SEMA4B: variants seen among roughly 807,000 people sequenced by gnomAD.
SEMA4B encodes the protein semaphorin-4B.
In SEMA4B, 55 loss-of-function variants were observed where a neutral mutation model predicts 88.1. The observed-to-expected ratio is 0.62, with a 90% CI of 0.50 to 0.78. The LOEUF (loss-of-function observed/expected upper bound fraction) is 0.78. Ranked by LOEUF, SEMA4B falls within the 30% of genes least tolerant of loss-of-function variation. The probability of loss-of-function intolerance (pLI) is 0.00; values close to 1 mark genes in which losing one functional copy is unlikely to be tolerated. For synonymous variants in SEMA4B, 525 were observed against 473.6 expected, an observed-to-expected ratio of 1.11 and a Z score of -1.41; for missense variants, 1,062 against 1,111.9, an observed-to-expected ratio of 0.96 and a Z score of 0.64.
chr15:90,213,595 C>G (rs1054794923), intron 1 of SEMA4B, among the ~76,000 whole-genome samples: 9 of 152,220 alleles, frequency 5.9e-5, no homozygotes, highest in Non-Finnish European at 7.3e-5. Context: ...TTCTCCCAGG[C>G]GTAAGTGGGA....
rs531975112 is a variant in SEMA4B, at chr15:90,222,975, T to C, written c.862-584T>C. Reference sequence around the variant, plus strand: ...CTGTGTATATATATATATACATTTTTTTTTTTCCTTTTTGAGACAGGGTCT... The same window carrying C: ...CTGTGTATATATATATATACATTTTCTTTTTTCCTTTTTGAGACAGGGTCT... On this transcript the variant is annotated intron_variant, in intron 7 of 13. Transcript: ENST00000411539. 4.7e-5 allele frequency among the ~76,000 whole-genome samples: 7 copies of C among 150,460 alleles called. No individual in the cohort carries two copies. The South Asian group carries it at 1.5e-3, about 32-fold the overall frequency.
chr15:90,201,089 G>A (rs1197684189), upstream of SEMA4B, among the ~76,000 whole-genome samples: 1 of 152,222 alleles, frequency 6.6e-6, no homozygotes, highest in Non-Finnish European at 1.5e-5. Context: ...AGCCGGAAGG[G>A]GCCAGGGCCT....
In SEMA4B at chr15:90,228,748, G is replaced by A. The variant is rs1962343604; in HGVS notation, c.*105G>A. 2.7e-6 allele frequency: 4 copies of A among 1,479,088 alleles called. No homozygotes were observed. Among genetic ancestry groups the A allele is most frequent in the Non-Finnish European group, 3.7e-6 (4 of 1,093,164 alleles). The allele number at this position is 1,479,088 out of a possible 1,614,324, so 91.6% of individuals were successfully genotyped here. A position where few individuals can be genotyped will look rare whatever the true frequency, so the allele number is the denominator to read the frequency against. On this transcript the variant is annotated 3_prime_UTR_variant, in exon 14 of 14. Transcript: ENST00000411539. ...TCTGCTCTTCGTGGAACACGACCGTGGTGCCCGGCCCTTGGGAGCCTTGGG... is the reference window on the plus strand; with the variant it reads ...TCTGCTCTTCGTGGAACACGACCGTAGTGCCCGGCCCTTGGGAGCCTTGGG...
At chr15:90,219,290 A>G (rs1364590156) in intron 3 of SEMA4B, 1 of 152,504 alleles carries the variant, frequency 6.6e-6, no homozygotes, top group Non-Finnish European at 1.5e-5. Context: ...AGAATTAATG[A>G]AAGTGGCAAG....
At chr15:90,188,206 C>T (rs183948720) in intron 1 of SEMA4B, among the ~76,000 whole-genome samples, 29 of 152,166 alleles carry the variant, frequency 1.9e-4, no homozygotes, top group Admixed American at 7.8e-4. Flanking sequence ...GTAGTGTCAG[C>T]TATCCAGGGC....
intron 1 of SEMA4B, among the ~76,000 whole-genome samples, chr15:90,206,041 G>A (rs947329054): frequency 4.6e-5 from 7 of 152,168 alleles, no homozygotes; most frequent in South Asian, 2.1e-4. Context: ...CCAGGAGAGC[G>A]CTAAACTTGC....
chr15:90,193,289 G>C (rs868285), intron 1 of SEMA4B: 11,361 of 152,246 alleles, frequency 0.075, 1,329 homozygotes, highest in African/African-American at 0.25. Flanking sequence ...CAGTGTCCTC[G>C]TGTGGTTTCT....
rs768257009 is a variant in SEMA4B at position 90,201,649 on chromosome 15, C to T, written c.71C>T (p.Pro24Leu). The part of the protein sequence containing the change: ...APWGALPPRP[P>L]LLLLLLLLLL... ...TGGGGCGCGCTGCCGCCTCGGCCAC[C>T]GCTGCTGCTGCTCCTGCTGCTGCTG... Residue 24 changes from proline to leucine, a missense_variant, in exon 1 of 14, where the codon CCG (proline) becomes CTG (leucine). Coordinates refer to ENST00000411539, the MANE Select transcript of SEMA4B (RefSeq NM_198925.4). 6.0e-5 allele frequency: 91 copies of T among 1,517,322 alleles called. No homozygotes were observed. The highest frequency in any genetic ancestry group is 4.0e-5 in the Admixed American group (2 of 49,904). The allele number at this position is 1,517,322 out of a possible 1,614,324, so 94.0% of individuals were successfully genotyped here.
At chr15:90,210,824 T>G (rs1364361734) in intron 1 of SEMA4B, among the ~76,000 whole-genome samples, 1 of 152,036 alleles carries the variant, frequency 6.6e-6, no homozygotes. Flanking sequence ...TGGGGCTGGC[T>G]GAGGCCCAAC....
At chr15:90,227,018 A>G (rs1287773812) in intron 12 of SEMA4B, among the ~76,000 whole-genome samples, 1 of 152,182 alleles carries the variant, frequency 6.6e-6, no homozygotes, top group Non-Finnish European at 1.5e-5. Flanking sequence ...CTGTCCTTCT[A>G]ATCTTTTTCT....
Position 90,225,132 on chromosome 15 carries a change from C to T in SEMA4B, c.1359C>T (p.Arg453=), listed in dbSNP as rs199919293. 138 of 1,613,174 alleles carry T rather than the reference C, an allele frequency of 8.6e-5. No homozygotes were observed. The highest frequency in any genetic ancestry group is 3.7e-4 in the African/African-American group (28 of 75,036). The change falls in exon 10 of 14, where the codon CGC becomes CGT. Residue 453 remains arginine, a synonymous_variant. Transcript: ENST00000411539. ...GCTACCAGCGCGTGGCTGTACACCG[C>T]GTCCCTGGCCTGCACCACACCTACG... is the stretch of plus-strand genomic sequence containing the variant. ...QARYQRVAVH[R]VPGLHHTYDV...
In SEMA4B at chr15:90,225,844, G is replaced by A. The variant is rs761976195; in HGVS notation, c.1688+17G>A. ...GGCCACCAGGTGAGCACTCCCAAAG[G>A]CCCCTTCCCATCTGTCCAGCCCTGC... On this transcript the variant is annotated intron_variant, in intron 12 of 13. Transcript: ENST00000411539. 7 of 1,500,656 alleles carry A rather than the reference G, an allele frequency of 4.7e-6. No homozygotes were observed. Among genetic ancestry groups the A allele is most frequent in the Non-Finnish European group, 5.3e-6 (6 of 1,126,422 alleles). 93.0% of individuals were successfully genotyped at this position (1,500,656 alleles called of 1,614,324 possible).
Position 90,223,583 on chromosome 15 carries a change from C to T in SEMA4B, c.886C>T (p.Leu296=). Residue 296 remains leucine (L), a synonymous_variant, in exon 8 of 14, where the codon CTA becomes TTA. Coordinates refer to ENST00000411539, the MANE Select transcript of SEMA4B (RefSeq NM_198925.4). ...GGGCGATGAGGGTGGAGAGCGGGTG[C>T]TACAGCAGCGCTGGACCTCCTTCCT... ...CKGDEGGERV[L]QQRWTSFLKA... The T allele has an allele frequency of 6.2e-7, 1 of 1,605,978 alleles. No homozygotes were observed. Among genetic ancestry groups the T allele is most frequent in the Non-Finnish European group, 8.5e-7 (1 of 1,175,406 alleles).
At chr15:90,201,923 C>T (rs1029531088) in intron 1 of SEMA4B, among the ~76,000 whole-genome samples, 188 bp downstream of exon 1, 1 of 152,226 alleles carries the variant, frequency 6.6e-6, no homozygotes, top group African/African-American at 2.4e-5. Flanking sequence ...TGTGGGGCCG[C>T]TGGCCCCTTT....
intron 7 of SEMA4B, 97 bp from the exon 8 acceptor site, chr15:90,223,462 G>C: frequency 9.0e-7 from 1 of 1,116,582 alleles, no homozygotes; most frequent in African/African-American, 1.6e-5. Context: ...CTTCAGTCCT[G>C]GTGTCTGGGG....
intron 1 of SEMA4B, among the ~76,000 whole-genome samples, chr15:90,210,487 A>C (rs770336261): frequency 5.9e-5 from 9 of 152,218 alleles, no homozygotes; most frequent in Non-Finnish European, 1.3e-4. Context: ...GAGGGTGGTC[A>C]TCAACACAGA....
intron 1 of SEMA4B, chr15:90,206,547 G>A (rs11073912): frequency 6.8e-6 from 3 of 442,376 alleles, no homozygotes; most frequent in Admixed American, 3.3e-5. Flanking sequence ...TTCAAGATTC[G>A]GCTTCACCCG....
chr15:90,201,352 A>C lies in SEMA4B; in HGVS notation c.-227A>C. On this transcript the variant is annotated 5_prime_UTR_variant, in exon 1 of 14. Transcript: ENST00000411539. ...GCCGCTTGCGGGTGAGCTCTGCCCA[A>C]GCCGAGGCTGCGGGGCCGGCGCCGG... 2 of 1,238,314 alleles carry C rather than the reference A, an allele frequency of 1.6e-6. No homozygotes were observed. Among genetic ancestry groups the C allele is most frequent in the South Asian group, 3.0e-5 (1 of 33,836 alleles). The allele number at this position is 1,238,314 out of a possible 1,614,324, so 76.7% of individuals were successfully genotyped here.
At chr15:90,195,898 C>T (rs1960483974) in intron 1 of SEMA4B, among the ~76,000 whole-genome samples, 1 of 150,068 alleles carries the variant, frequency 6.7e-6, no homozygotes, top group Admixed American at 6.7e-5. Flanking sequence ...GCGTGAGCTG[C>T]TGGGCCCAGC....
Sources: allele counts gnomAD v4.1 joint callset (sites outside exome capture counted in the v4.1 genomes callset), GRCh38; gene constraint gnomAD v4.1.1; transcripts MANE v1.5; gene names NCBI Gene and HGNC (gene_info 2026-07-23, HGNC 2026-07-21).